SRGAP3: variants seen among roughly 807,000 people sequenced by gnomAD.
SRGAP3 encodes SLIT-ROBO Rho GTPase-activating protein 3.
A neutral mutation model predicts 121.1 loss-of-function variants in SRGAP3; 39 were observed. The observed-to-expected ratio is 0.32, with a 90% CI of 0.25 to 0.42. The LOEUF (loss-of-function observed/expected upper bound fraction) is 0.42, where lower values mean the gene tolerates loss of function less well. SRGAP3 is among the 10% of genes least tolerant of loss of function. SRGAP3 has a pLI of 1.00. For missense variants in SRGAP3, 1,213 were observed against 1,470.6 expected (o/e 0.82, Z 2.86); for synonymous variants, 601 against 570.0 (o/e 1.05, Z -0.77).
At chr3:9,136,807 C>A (rs1303132327) in intron 1 of SRGAP3, among the ~76,000 whole-genome samples, 1 of 152,172 alleles carries the variant, frequency 6.6e-6, no homozygotes. Flanking sequence ...CCCTGATCCC[C>A]ACGGTTCCTG....
intron 9 of SRGAP3, among the ~76,000 whole-genome samples, chr3:9,049,920 TAGCTGGGACCTC>T (rs1339782755): frequency 1.3e-5 from 2 of 149,846 alleles, no homozygotes; most frequent in African/African-American, 4.9e-5. Context: ...GCCAGCCAAG[TAGCTGGGACCTC>T]AGCCTCCCAA....
At chr3:9,178,647 T>C (rs1291739253) in intron 1 of SRGAP3, among the ~76,000 whole-genome samples, 1 of 152,178 alleles carries the variant, frequency 6.6e-6, no homozygotes, top group East Asian at 1.9e-4. Context: ...CCTGGGCCTG[T>C]AGACTCCCAG....
chr3:9,165,964 T>G (rs189586954), intron 1 of SRGAP3, among the ~76,000 whole-genome samples: 254 of 152,340 alleles, frequency 1.7e-3, no homozygotes, highest in African/African-American at 5.9e-3. Flanking sequence ...GAAAACCCCA[T>G]GTGAGGGGGC....
In SRGAP3 at chr3:9,287,043, T is replaced by C. The variant is rs1444627510; in HGVS notation, n.442+38967A>G. Among the ~76,000 whole-genome samples the C allele has an allele frequency of 5.2e-5, 7 of 133,622 alleles. No homozygotes were observed. The East Asian group carries it at 1.5e-3, about 28-fold the overall frequency. The allele number at this position is 133,622 out of a possible 152,430, so 87.7% of individuals were successfully genotyped here. A position where few individuals can be genotyped will look rare whatever the true frequency, so the allele number is the denominator to read the frequency against. ...GTCTAGCTCTGTCACCCAGGCTGGA[T>C]TGGAGTACTGCATTTATGGCTCACT... On this transcript the variant is annotated intron_variant and non_coding_transcript_variant, in intron 3 of 3. Coordinates refer to the SRGAP3 transcript ENST00000490889.
At chr3:9,275,897 T>C (rs1045737080) in intron 3 of SRGAP3, among the ~76,000 whole-genome samples, 4 of 152,104 alleles carry the variant, frequency 2.6e-5, no homozygotes, top group South Asian at 4.1e-4. Flanking sequence ...TAGAATCTAC[T>C]GCTAAAAAAA....
intron 4 of SRGAP3, among the ~76,000 whole-genome samples, chr3:9,069,402 C>G (rs1238888285): frequency 6.6e-6 from 1 of 152,152 alleles, no homozygotes. Flanking sequence ...AGGAGCTCAG[C>G]TGAGGCCAAG....
upstream of SRGAP3, among the ~76,000 whole-genome samples, chr3:9,253,838 G>A (rs1055117531): frequency 6.6e-6 from 1 of 152,192 alleles, no homozygotes; most frequent in Admixed American, 6.5e-5. Context: ...AACCCTGGGA[G>A]GGGACGGAAT....
intron 1 of SRGAP3, among the ~76,000 whole-genome samples, chr3:9,227,317 G>A (rs1079483): frequency 0.35 from 53,239 of 152,168 alleles, 9,847 homozygotes; most frequent in Admixed American, 0.46. Context: ...GTTCTGCCAT[G>A]AATGTTGTAA....
chr3:9,220,890 A>G (rs2125198126), intron 1 of SRGAP3, among the ~76,000 whole-genome samples: 1 of 152,096 alleles, frequency 6.6e-6, no homozygotes, highest in Middle Eastern at 3.4e-3. Flanking sequence ...AGGCAAAGCA[A>G]CTCCATCCAC....
intron 18 of SRGAP3, among the ~76,000 whole-genome samples, chr3:9,004,353 C>A (rs1187569077): frequency 1.3e-5 from 2 of 152,140 alleles, no homozygotes; most frequent in African/African-American, 4.8e-5. Flanking sequence ...TTCCAACTGA[C>A]CTATAGATTT....
intron 3 of SRGAP3, among the ~76,000 whole-genome samples, chr3:9,311,200 C>T (rs1020133354): frequency 6.6e-6 from 1 of 151,836 alleles, no homozygotes; most frequent in Admixed American, 6.6e-5. Context: ...TACACCGACA[C>T]TTCCAGGTTT....
intron 1 of SRGAP3, among the ~76,000 whole-genome samples, chr3:9,154,081 A>C (rs1950314954): frequency 6.6e-6 from 1 of 152,004 alleles, no homozygotes; most frequent in Non-Finnish European, 1.5e-5. Context: ...AAGAGCTGAG[A>C]CCCAAGCTCT....
rs1033693138 is a variant in SRGAP3, at chr3:8,994,470, G to A, written c.2281C>T (p.Arg761Cys). ...AKFDYMGRSP[R>C]ELSFKKGASL... The stretch of plus-strand genomic sequence containing the variant: ...GCCCCCTTCTTGAAGGATAGCTCAC[G>A]CGGGGACCGCCCCATGTAGTCAAAC... Residue 761 changes from arginine to cysteine, a missense_variant, in exon 19 of 22, where the codon CGT becomes TGT. Physicochemically the swap from Arg to Cys is radical, Grantham distance 180. This residue lies in a region of SRGAP3 where 793 missense variants were observed against 1,032.9 expected (regional missense o/e 0.77). Transcript: ENST00000383836. 4 of 1,614,174 alleles carry A rather than the reference G, an allele frequency of 2.5e-6. No homozygotes were observed. The highest frequency in any genetic ancestry group is 3.4e-6 in the Non-Finnish European group (4 of 1,180,032).
chr3:9,289,844 A>T (rs1428838509), intron 3 of SRGAP3, among the ~76,000 whole-genome samples: 1 of 152,200 alleles, frequency 6.6e-6, no homozygotes, highest in Non-Finnish European at 1.5e-5. Context: ...ATGGTGGCTC[A>T]TGCCTGTAAT....
chr3:9,355,166 T>C (rs1236075565), intron 1 of SRGAP3, among the ~76,000 whole-genome samples: 1 of 152,164 alleles, frequency 6.6e-6, no homozygotes, highest in Non-Finnish European at 1.5e-5. Flanking sequence ...CTCCTTTCTT[T>C]TCAAACCCAA....
chr3:9,009,344 G>A (rs934947976), intron 18 of SRGAP3, among the ~76,000 whole-genome samples: 26 of 152,090 alleles, frequency 1.7e-4, no homozygotes, highest in African/African-American at 6.3e-4. Flanking sequence ...TGTTTAAAAA[G>A]GAAAACTATC....
upstream of SRGAP3, among the ~76,000 whole-genome samples, chr3:9,252,081 C>T (rs886230484): frequency 1.3e-5 from 2 of 152,104 alleles, no homozygotes; most frequent in African/African-American, 4.8e-5. Flanking sequence ...GGATGGATCC[C>T]TCAGGAATGG....
intron 1 of SRGAP3, among the ~76,000 whole-genome samples, chr3:9,344,053 C>T (rs1309766781): frequency 6.6e-6 from 1 of 152,242 alleles, no homozygotes; most frequent in Non-Finnish European, 1.5e-5. Flanking sequence ...GGCACGGTGT[C>T]TCACACCTGT....
At chr3:9,236,486 T>C (rs1408691154) in intron 1 of SRGAP3, among the ~76,000 whole-genome samples, 1 of 152,166 alleles carries the variant, frequency 6.6e-6, no homozygotes, top group Non-Finnish European at 1.5e-5. Flanking sequence ...GGATGGATCC[T>C]TCATGAATGG....
Sources: gnomAD v4.1 joint callset for allele counts (sites outside exome capture counted in the v4.1 genomes callset) on GRCh38, gnomAD v4.1.1 for gene constraint, gnomAD v4.1.1 regional missense constraint, MANE v1.5 for transcripts, NCBI Gene and HGNC (gene_info 2026-07-23, HGNC 2026-07-21) for gene names.